SPTLC1: variants seen among roughly 807,000 people sequenced by gnomAD.
SPTLC1 encodes serine palmitoyltransferase long chain base subunit 1.
Under a neutral mutation model 68.9 loss-of-function variants are expected in SPTLC1, and 55 were observed. The ratio of observed to expected loss-of-function variants is 0.80; its 90% CI spans 0.64 to 1.00. SPTLC1 has a LOEUF of 1.00. SPTLC1 is among the 50% of genes least tolerant of loss of function. The probability of loss-of-function intolerance (pLI) is 0.00; values close to 1 mark genes in which losing one functional copy is unlikely to be tolerated. For synonymous variants in SPTLC1, 197 were observed against 201.6 expected, an observed-to-expected ratio of 0.98 and a Z score of 0.19; for missense variants, 449 against 573.1, an observed-to-expected ratio of 0.78 and a Z score of 2.21.
rs1394520568 is a variant in SPTLC1 at position 92,047,216 on chromosome 9, G to A, written c.1037C>T (p.Ala346Val). 1 of 1,614,120 alleles carries A rather than the reference G, an allele frequency of 6.2e-7. No homozygotes were observed. Among genetic ancestry groups the A allele is most frequent in the Admixed American group, 1.7e-5 (1 of 60,014 alleles). The change falls in exon 11 of 15, where the codon GCT becomes GTT. Residue 346 changes from alanine (A) to valine (V), a missense_variant. Transcript: ENST00000262554. ...GTTGAGGGCCTCAATTGCTGCAGCA[G>A]CTAACAGGGGAGGTAACGAAGCTGA... is the stretch of plus-strand genomic sequence containing the variant. Reference protein sequence around the residue: ...CFSASLPPLLAAAAIEALNIM... With the variant: ...CFSASLPPLLVAAAIEALNIM...
At chr9:92,077,507 C>A (rs1384369100) in intron 5 of SPTLC1, among the ~76,000 whole-genome samples, 1 of 152,104 alleles carries the variant, frequency 6.6e-6, no homozygotes, top group Non-Finnish European at 1.5e-5. Context: ...GCCCATCAGA[C>A]GACCAGCCTA....
At chr9:92,077,073 A>T (rs1196078808) in intron 5 of SPTLC1, 3 of 152,132 alleles carry the variant, frequency 2.0e-5, no homozygotes, top group Non-Finnish European at 4.4e-5. Flanking sequence ...TTTTAAAAAC[A>T]CACCTTACTA....
At position 92,059,272 on chromosome 9, in the gene SPTLC1, T is replaced by C. The variant is rs1247065817; in HGVS notation, c.597A>G (p.Leu199=). The C allele has an allele frequency of 6.2e-7, 1 of 1,614,074 alleles. No homozygotes were observed. Among genetic ancestry groups the C allele is most frequent in the South Asian group, 1.1e-5 (1 of 91,084 alleles). ...RAACFAIQKG[L]QASRSDIKLF... is the part of the protein sequence containing the mutation. ...ACTTAATGTCACTACGGGATGCCTGTAATCCTTTCTGAATAGCAAAGCAGG... is the reference window on the plus strand; with the variant it reads ...ACTTAATGTCACTACGGGATGCCTGCAATCCTTTCTGAATAGCAAAGCAGG... Residue 199 remains leucine (L), a synonymous_variant, in exon 7 of 15, where the codon TTA becomes TTG. Transcript: ENST00000262554.
At chr9:92,078,026 T>G (rs1393605255) in intron 5 of SPTLC1, among the ~76,000 whole-genome samples, 1 of 152,068 alleles carries the variant, frequency 6.6e-6, no homozygotes, top group Non-Finnish European at 1.5e-5. Context: ...CTTCTCTTCC[T>G]CCTACTACAC....
chr9:92,098,401 C>T (rs1481837386), intron 3 of SPTLC1, among the ~76,000 whole-genome samples: 2 of 152,080 alleles, frequency 1.3e-5, no homozygotes, highest in Non-Finnish European at 2.9e-5. Flanking sequence ...CAGTGAACCT[C>T]GCCCGAGAGC....
chr9:92,073,563 T>C (rs1331091420), intron 5 of SPTLC1, among the ~76,000 whole-genome samples: 2 of 152,182 alleles, frequency 1.3e-5, no homozygotes, highest in African/African-American at 4.8e-5. Flanking sequence ...ATGGCCCATC[T>C]AGCTGCCACC....
intron 6 of SPTLC1, among the ~76,000 whole-genome samples, chr9:92,061,127 T>A (rs986001560): frequency 6.6e-6 from 1 of 152,190 alleles, no homozygotes; most frequent in Non-Finnish European, 1.5e-5. Flanking sequence ...ATTTGTCAAG[T>A]GGTTTAAATC....
intron 5 of SPTLC1, among the ~76,000 whole-genome samples, chr9:92,069,642 T>C (rs535054457): frequency 6.6e-6 from 1 of 152,326 alleles, no homozygotes; most frequent in South Asian, 2.1e-4. Flanking sequence ...CATGGGTTAC[T>C]CTTGGGTATG....
intron 3 of SPTLC1, chr9:92,105,304 T>A (rs1364776303): frequency 2.0e-6 from 3 of 1,533,644 alleles, no homozygotes; most frequent in Non-Finnish European, 2.6e-6. Flanking sequence ...TGGGTCAGGC[T>A]TCCCAAAGAG....
intron 12 of SPTLC1, among the ~76,000 whole-genome samples, chr9:92,042,145 A>C (rs1222074979): frequency 6.6e-6 from 1 of 152,200 alleles, no homozygotes; most frequent in African/African-American, 2.4e-5. Context: ...AATTCAATAA[A>C]AGCTACTCAC....
At chr9:92,104,482 G>T (rs1835880853) in intron 3 of SPTLC1, 1 of 1,417,710 alleles carries the variant, frequency 7.1e-7, no homozygotes, top group Non-Finnish European at 9.5e-7. Context: ...CCTGCCTCCT[G>T]TGGTCTGGAG....
chr9:92,094,471 T>G (rs908199725), intron 3 of SPTLC1, among the ~76,000 whole-genome samples: 1 of 152,240 alleles, frequency 6.6e-6, no homozygotes, highest in African/African-American at 2.4e-5. Context: ...TAAAACCTCT[T>G]TAACTGAGTT....
At chr9:92,052,284 A>G (rs1489286970) in intron 8 of SPTLC1, among the ~76,000 whole-genome samples, 1 of 152,208 alleles carries the variant, frequency 6.6e-6, no homozygotes, top group Non-Finnish European at 1.5e-5. Context: ...ATAAACCCAT[A>G]CATCTATGGT....
chr9:92,087,389 C>A (rs1214994700), intron 3 of SPTLC1, among the ~76,000 whole-genome samples: 1 of 152,088 alleles, frequency 6.6e-6, no homozygotes, highest in Non-Finnish European at 1.5e-5. Flanking sequence ...TACTTTTGGT[C>A]TTTGATGATG....
intron 3 of SPTLC1, among the ~76,000 whole-genome samples, chr9:92,091,498 A>G (rs1835360534): frequency 1.3e-5 from 2 of 152,256 alleles, no homozygotes; most frequent in Non-Finnish European, 2.9e-5. Context: ...TGCATGGGGT[A>G]AAGGAAAGAG....
chr9:92,063,584 AAC>A (rs1213039871), intron 6 of SPTLC1, among the ~76,000 whole-genome samples: 2 of 152,316 alleles, frequency 1.3e-5, no homozygotes, highest in Admixed American at 1.3e-4. Context: ...CTCCCTCATG[AAC>A]ACAGATTCAA....
intron 4 of SPTLC1, 129 bp from the exon 5 acceptor site, chr9:92,080,217 C>G (rs532242942): frequency 2.7e-6 from 2 of 750,218 alleles, no homozygotes; most frequent in African/African-American, 1.8e-5. Flanking sequence ...AAAGAAGAGA[C>G]AGGTGTAAAG....
intron 3 of SPTLC1, among the ~76,000 whole-genome samples, chr9:92,084,321 G>C (rs909045885): frequency 1.3e-4 from 19 of 151,720 alleles, no homozygotes; most frequent in South Asian, 4.2e-4. Context: ...TCTTGTGCCA[G>C]TTTTCAAAGG....
Position 92,055,400 on chromosome 9 carries a change from C to T in SPTLC1, c.780+5G>A, listed in dbSNP as rs1408808632. ...TTAAAATTACAGCTGAACATGGTTG[C>T]TTACCAATTCTGGAAGAGGACAAAT... On this transcript the variant is annotated splice_donor_5th_base_variant and intron_variant, in intron 8 of 14. Transcript: ENST00000262554. 2 of 1,612,826 alleles carry T rather than the reference C, an allele frequency of 1.2e-6. No individual in the cohort carries two copies. The highest frequency in any genetic ancestry group is 1.7e-6 in the Non-Finnish European group (2 of 1,179,984).
Sources: gnomAD v4.1 joint callset for allele counts (sites outside exome capture counted in the v4.1 genomes callset) on GRCh38, gnomAD v4.1.1 for gene constraint, MANE v1.5 for transcripts, NCBI Gene and HGNC (gene_info 2026-07-23, HGNC 2026-07-21) for gene names.